The following MCPH1 variants were observed in gnomAD, a reference collection of about 807,000 sequenced individuals.
MCPH1 encodes the protein microcephalin.
In MCPH1, 104 loss-of-function variants were observed where a neutral mutation model predicts 84.5. That is an observed-to-expected ratio of 1.23 (90% CI 1.05 to 1.45). MCPH1 has a LOEUF of 1.45. MCPH1 is among the 40% of genes most tolerant of loss of function. The probability of loss-of-function intolerance (pLI) is 0.00; values close to 1 mark genes in which losing one functional copy is unlikely to be tolerated. For synonymous variants in MCPH1, 514 were observed against 366.8 expected (o/e 1.40, Z -4.58); for missense variants, 1,498 against 1,005.7 (o/e 1.49, Z -6.62).
chr8:6,506,501 G>T (rs753501166), intron 12 of MCPH1, among the ~76,000 whole-genome samples: 2 of 152,136 alleles, frequency 1.3e-5, no homozygotes, highest in Non-Finnish European at 2.9e-5. Context: ...GCACATACGG[G>T]TGGTCTAATA....
At chr8:6,446,403 G>C (rs1258763427) in intron 8 of MCPH1, 7 of 985,192 alleles carry the variant, frequency 7.1e-6, no homozygotes, top group Non-Finnish European at 8.4e-6. Context: ...AGGTGGAGAA[G>C]TCATGGTAGC....
intron 9 of MCPH1, among the ~76,000 whole-genome samples, chr8:6,469,526 T>C (rs903977765): frequency 3.3e-5 from 5 of 152,234 alleles, no homozygotes; most frequent in Non-Finnish European, 5.9e-5. Context: ...TATATAAATA[T>C]ATGATTCTGA....
chr8:6,581,326 C>G (rs1288649298), intron 12 of MCPH1, among the ~76,000 whole-genome samples: 1 of 152,206 alleles, frequency 6.6e-6, no homozygotes, highest in Non-Finnish European at 1.5e-5. Flanking sequence ...GAATTGCAAC[C>G]TCCAGCATAA....
At chr8:6,586,874 C>T (rs553533265) in intron 12 of MCPH1, among the ~76,000 whole-genome samples, 4 of 152,284 alleles carry the variant, frequency 2.6e-5, no homozygotes, top group East Asian at 1.9e-4. Flanking sequence ...TTAAACCACC[C>T]GTAATGTAGA....
chr8:6,445,671 G>T, intron 8 of MCPH1, 124 bp downstream of exon 8: 2 of 1,451,304 alleles, frequency 1.4e-6, no homozygotes, highest in Non-Finnish European at 9.0e-7. Flanking sequence ...TTTACTTAAA[G>T]AATGTGCATT....
chr8:6,621,182 G>T, intron 12 of MCPH1: 1 of 493,288 alleles, frequency 2.0e-6, no homozygotes, highest in Non-Finnish European at 3.7e-6. Flanking sequence ...TATTTTGTTT[G>T]AGGCTTTGGA....
chr8:6,442,622 G>C lies in MCPH1; in HGVS notation c.670+466G>C, dbSNP rs771435769. ...AAGAACACTGGTAGGAATTAGTGCAGTTAGTTCCATGTTACGCACATACAT... is the reference window on the plus strand; with the variant it reads ...AAGAACACTGGTAGGAATTAGTGCACTTAGTTCCATGTTACGCACATACAT... On this transcript the variant is annotated intron_variant, in intron 7 of 13. Transcript: ENST00000344683. Among the ~76,000 whole-genome samples, 20 of 152,208 alleles carry C rather than the reference G, an allele frequency of 1.3e-4. 1 individual carries two copies. The highest frequency in any genetic ancestry group is 1.8e-4 in the Non-Finnish European group (12 of 68,030).
intron 4 of MCPH1, 41 bp downstream of exon 4, chr8:6,431,627 T>G (rs749994670): frequency 7.7e-7 from 1 of 1,294,502 alleles, no homozygotes. Flanking sequence ...CAATTAGGAA[T>G]TTATTCGTTT....
rs768537043 is a variant in MCPH1 at position 6,444,416 on chromosome 8, C to G, written c.694C>G (p.His232Asp). 9.3e-6 allele frequency: 15 copies of G among 1,614,158 alleles called. No individual in the cohort carries two copies. In the Admixed American group the frequency reaches 2.3e-4, roughly 25 times the overall value. Residue 232 changes from histidine to aspartate, a missense_variant, in exon 8 of 14, where the codon CAC becomes GAC. Transcript: ENST00000344683. ...CSDEYFAGGL[H>D]SSFDDLCGNS... ...AGATGAATACTTTGCTGGTGGCTTA[C>G]ACTCATCTTTTGATGATCTTTGTGG...
chr8:6,608,478 G>T (rs1022264836), intron 12 of MCPH1, among the ~76,000 whole-genome samples: 2 of 152,142 alleles, frequency 1.3e-5, no homozygotes, highest in African/African-American at 2.4e-5. Context: ...TTAGAACAGG[G>T]ACTCAGGGAC....
chr8:6,442,667 T>C (rs1227149108), intron 7 of MCPH1, among the ~76,000 whole-genome samples: 1 of 152,242 alleles, frequency 6.6e-6, no homozygotes, highest in Non-Finnish European at 1.5e-5. Flanking sequence ...GTGGGAGCCC[T>C]AGTTCCACTT....
chr8:6,435,417 C>A (rs565224263), intron 4 of MCPH1, among the ~76,000 whole-genome samples: 1 of 152,202 alleles, frequency 6.6e-6, no homozygotes, highest in South Asian at 2.1e-4. Flanking sequence ...GGGGCTCAGG[C>A]AGTTTCATAG....
chr8:6,457,603 T>A (rs1006588712), intron 9 of MCPH1, among the ~76,000 whole-genome samples: 1 of 152,032 alleles, frequency 6.6e-6, no homozygotes, highest in Non-Finnish European at 1.5e-5. Flanking sequence ...AGACTCTGTC[T>A]CAAAAATAAA....
intron 12 of MCPH1, among the ~76,000 whole-genome samples, chr8:6,505,444 T>C (rs1238040221): frequency 1.2e-5 from 1 of 83,552 alleles, no homozygotes; most frequent in African/African-American, 4.4e-5. Context: ...ATATTCTTTA[T>C]ATACATATAG....
At chr8:6,547,060 TG>T (rs1822726679) in intron 12 of MCPH1, among the ~76,000 whole-genome samples, 1 of 152,068 alleles carries the variant, frequency 6.6e-6, no homozygotes, top group Admixed American at 6.6e-5. Context: ...GTGTGTACCG[TG>T]GTTGCCTTCG....
At chr8:6,598,158 G>A (rs1586750887) in intron 12 of MCPH1, among the ~76,000 whole-genome samples, 2 of 152,326 alleles carry the variant, frequency 1.3e-5, no homozygotes, top group Middle Eastern at 3.4e-3. Flanking sequence ...GGATGCTTCT[G>A]GGAGGCAAAG....
At chr8:6,525,518 C>T (rs895578636) in intron 12 of MCPH1, among the ~76,000 whole-genome samples, 1 of 152,228 alleles carries the variant, frequency 6.6e-6, no homozygotes, top group Non-Finnish European at 1.5e-5. Flanking sequence ...GCATGAGCCA[C>T]TGTGCCTGGC....
intron 9 of MCPH1, among the ~76,000 whole-genome samples, chr8:6,460,509 C>T (rs1393436619): frequency 1.3e-5 from 2 of 152,074 alleles, no homozygotes; most frequent in African/African-American, 4.8e-5. Flanking sequence ...AGCCTTCATG[C>T]CCTCTATTTG....
intron 13 of MCPH1, among the ~76,000 whole-genome samples, chr8:6,629,397 G>A (rs1464042671): frequency 6.6e-6 from 1 of 152,192 alleles, no homozygotes; most frequent in Admixed American, 6.5e-5. Flanking sequence ...AAGAGGCGGA[G>A]GCTGCAGTTA....
Sources: allele counts gnomAD v4.1 joint callset (sites outside exome capture counted in the v4.1 genomes callset), GRCh38; gene constraint gnomAD v4.1.1; transcripts MANE v1.5; gene names NCBI Gene and HGNC (gene_info 2026-07-23, HGNC 2026-07-21).